HMHB1: variants seen among roughly 807,000 people sequenced by gnomAD.
The protein encoded by HMHB1 is histocompatibility minor HB-1.
In HMHB1, 4 loss-of-function variants were observed where a neutral mutation model predicts 2.4. The ratio of observed to expected loss-of-function variants is 1.65; its 90% CI spans 0.81 to 3.77. The LOEUF (loss-of-function observed/expected upper bound fraction) is 3.77. Ranked by LOEUF, HMHB1 falls within the 30% of genes most tolerant of loss-of-function variation. The probability of loss-of-function intolerance (pLI) is 0.01; values close to 1 mark genes in which losing one functional copy is unlikely to be tolerated. For missense variants in HMHB1, 57 were observed against 44.2 expected (o/e 1.29, Z -0.82); for synonymous variants, 22 against 17.6 (o/e 1.25, Z -0.63).
At chr5:143,820,318 T>TTAAAAAAAAAAAAAAAAAAAAAA (rs1224094703) in intron 1 of HMHB1, among the ~76,000 whole-genome samples, 162 bp from the exon 2 acceptor site, 1 of 47,564 alleles carries the variant, frequency 2.1e-5, no homozygotes, top group African/African-American at 7.0e-5. Flanking sequence ...TCATCATAAG[T>TTAAAAAAAAAAAAAAAAAAAAAA]AAAAAAAAAA....
At chr5:143,816,986 G>C (rs575363622) in intron 1 of HMHB1, among the ~76,000 whole-genome samples, 1 of 152,040 alleles carries the variant, frequency 6.6e-6, no homozygotes, top group African/African-American at 2.4e-5. Context: ...ATGTTTGTTG[G>C]CCATTTGTAT....
rs376179272 is a variant in HMHB1 at position 143,816,578 on chromosome 5, C to T, written c.38-3902C>T. On this transcript the variant is annotated intron_variant, in intron 1 of 1. Coordinates refer to ENST00000289448, the MANE Select transcript of HMHB1 (RefSeq NM_021182.3). ...AGTAGTATTCCATTGTATATATATA[C>T]CACAGTTTCTTTATCCACTCATTGA... 4.6e-5 allele frequency among the ~76,000 whole-genome samples: 7 copies of T among 152,218 alleles called. No homozygotes were observed. In the East Asian group the frequency reaches 1.3e-3, roughly 29 times the overall value.
chr5:143,816,918 G>A (rs1322958561), intron 1 of HMHB1, among the ~76,000 whole-genome samples: 1 of 152,180 alleles, frequency 6.6e-6, no homozygotes, highest in African/African-American at 2.4e-5. Flanking sequence ...AGATGGTATT[G>A]CACTGTGGTT....
At chr5:143,812,436 G>A in intron 1 of HMHB1, 132 bp downstream of exon 1, 1 of 825,344 alleles carries the variant, frequency 1.2e-6, no homozygotes. Context: ...GCGGAAGGCA[G>A]GGGAGAGGAG....
chr5:143,816,413 C>T (rs564074490), intron 1 of HMHB1, among the ~76,000 whole-genome samples: 8 of 152,268 alleles, frequency 5.3e-5, no homozygotes, highest in Admixed American at 6.5e-5. Context: ...GCCTTTGCGT[C>T]CTCACAGCTT....
chr5:143,818,164 T>C (rs921240499), intron 1 of HMHB1, among the ~76,000 whole-genome samples: 9 of 152,248 alleles, frequency 5.9e-5, no homozygotes, highest in Admixed American at 3.3e-4. Context: ...ATTGAACTTC[T>C]ATATTATTCC....
intron 1 of HMHB1, among the ~76,000 whole-genome samples, 192 bp from the exon 2 acceptor site, chr5:143,820,288 A>T (rs1176922903): frequency 2.1e-5 from 3 of 140,054 alleles, no homozygotes; most frequent in African/African-American, 7.9e-5. Flanking sequence ...GCCATGCATT[A>T]CTACAGGTGC....
intron 1 of HMHB1, among the ~76,000 whole-genome samples, chr5:143,817,733 G>T (rs1759765185): frequency 6.6e-6 from 1 of 152,102 alleles, no homozygotes; most frequent in African/African-American, 2.4e-5. Flanking sequence ...TTTCCTAATT[G>T]TGTGAAGAAT....
At position 143,816,006 on chromosome 5, in the gene HMHB1, C is replaced by T. The variant is rs544249482; in HGVS notation, c.37+3702C>T. Among the ~76,000 whole-genome samples the T allele has an allele frequency of 1.2e-4, 19 of 152,234 alleles. No individual in the cohort carries two copies. The South Asian group carries it at 3.9e-3, about 32-fold the overall frequency. ...CAGGCGTGAGCCGCTGTGCCCAGCC[C>T]TCTTTTCCACTTTTAAGGGCCCTTT... On this transcript the variant is annotated intron_variant, in intron 1 of 1. Coordinates refer to ENST00000289448, the MANE Select transcript of HMHB1 (RefSeq NM_021182.3).
At chr5:143,817,946 G>A (rs1454401301) in intron 1 of HMHB1, among the ~76,000 whole-genome samples, 16 of 152,166 alleles carry the variant, frequency 1.1e-4, no homozygotes, top group African/African-American at 1.7e-4. Context: ...ATGTGGAAAA[G>A]TATATTATAT....
intron 1 of HMHB1, among the ~76,000 whole-genome samples, chr5:143,817,472 C>T (rs916627548): frequency 1.3e-5 from 2 of 152,138 alleles, no homozygotes; most frequent in Admixed American, 1.3e-4. Context: ...TGTCCTTTCC[C>T]CACTTTATGT....
At position 143,812,254 on chromosome 5, in the gene HMHB1, TG is replaced by T. The variant is rs1270782723; in HGVS notation, c.-12del. 1 of 1,550,538 alleles carries T rather than the reference TG, an allele frequency of 6.4e-7. No homozygotes were observed. The highest frequency in any genetic ancestry group is 2.4e-5 in the East Asian group (1 of 40,890). ...CCTCACATCCTCTGCCACACCACAGTGGAGAAACCAGAACTGGAGGAGCAGC... is the reference window on the plus strand; with the variant it reads ...CCTCACATCCTCTGCCACACCACAGTGAGAAACCAGAACTGGAGGAGCAGC... On this transcript the variant is annotated 5_prime_UTR_variant, in exon 1 of 2. Transcript: ENST00000289448.
At position 143,820,569 on chromosome 5, in the gene HMHB1, C is replaced by T. The variant is rs1759803489; in HGVS notation, c.*1C>T. 6.2e-7 allele frequency: 1 copy of T among 1,602,186 alleles called. No individual in the cohort carries two copies. Among genetic ancestry groups the T allele is most frequent in the African/African-American group, 1.3e-5 (1 of 74,780 alleles). On this transcript the variant is annotated 3_prime_UTR_variant, in exon 2 of 2. Coordinates refer to ENST00000289448, the MANE Select transcript of HMHB1 (RefSeq NM_021182.3). ...CTCTTCCCTGACTTATAGGCTTTGACACTGCTGTTGAGGTTTGACTCGAAG... is the reference window on the plus strand; with the variant it reads ...CTCTTCCCTGACTTATAGGCTTTGATACTGCTGTTGAGGTTTGACTCGAAG...
intron 1 of HMHB1, 79 bp downstream of exon 1, chr5:143,812,383 TG>T: frequency 7.4e-7 from 1 of 1,359,978 alleles, no homozygotes; most frequent in South Asian, 1.3e-5. Context: ...AAGAAAATGC[TG>T]GTGGAATGAG....
Position 143,815,976 on chromosome 5 carries a change from G to T in HMHB1, c.37+3672G>T, listed in dbSNP as rs553484736. ...CCGCCTCGGCCTCCCAAAGTGCTGGGATTACAGGCGTGAGCCGCTGTGCCC... is the reference window on the plus strand; with the variant it reads ...CCGCCTCGGCCTCCCAAAGTGCTGGTATTACAGGCGTGAGCCGCTGTGCCC... On this transcript the variant is annotated intron_variant, in intron 1 of 1. Transcript: ENST00000289448. Among the ~76,000 whole-genome samples, 11 of 152,176 alleles carry T rather than the reference G, an allele frequency of 7.2e-5. No homozygotes were observed. The East Asian group carries it at 1.9e-3, about 27-fold the overall frequency.
At chr5:143,820,339 AAAAAAAAAAAAC>A in intron 1 of HMHB1, 129 bp from the exon 2 acceptor site, 1 of 342,722 alleles carries the variant, frequency 2.9e-6, no homozygotes, top group African/African-American at 2.5e-5. Flanking sequence ...AAAAAAAAAA[AAAAAAAAAAAAC>A]AGAACAAAAC....
intron 1 of HMHB1, among the ~76,000 whole-genome samples, chr5:143,818,847 T>C (rs147679543): frequency 6.6e-6 from 1 of 152,088 alleles, no homozygotes; most frequent in Admixed American, 6.5e-5. Flanking sequence ...CCACATGCAA[T>C]GGTTAGACCT....
chr5:143,816,084 C>T (rs1046783401), intron 1 of HMHB1, among the ~76,000 whole-genome samples: 3 of 152,172 alleles, frequency 2.0e-5, no homozygotes, highest in Non-Finnish European at 4.4e-5. Context: ...ATTTTAAGGT[C>T]ACCTGATTAG....
At chr5:143,814,768 G>A (rs777140759) in intron 1 of HMHB1, among the ~76,000 whole-genome samples, 1 of 152,132 alleles carries the variant, frequency 6.6e-6, no homozygotes, top group African/African-American at 2.4e-5. Flanking sequence ...TACAAATAGA[G>A]TCATAATTAT....
Sources: gnomAD v4.1 joint callset for allele counts (sites outside exome capture counted in the v4.1 genomes callset) on GRCh38, gnomAD v4.1.1 for gene constraint, MANE v1.5 for transcripts, NCBI Gene and HGNC (gene_info 2026-07-23, HGNC 2026-07-21) for gene names.